ZBTB20: variants seen among roughly 807,000 people sequenced by gnomAD.
The protein encoded by ZBTB20 is zinc finger and BTB domain-containing protein 20.
A neutral mutation model predicts 56.9 loss-of-function variants in ZBTB20; 9 were observed. That is an observed-to-expected ratio of 0.16 (90% CI 0.10 to 0.28). ZBTB20 has a LOEUF of 0.28. Ranked by LOEUF, ZBTB20 falls within the 10% of genes least tolerant of loss-of-function variation. The pLI, the probability that ZBTB20 is intolerant of heterozygous loss-of-function variation, is 1.00. For synonymous variants in ZBTB20, 417 were observed against 420.7 expected, an observed-to-expected ratio of 0.99 and a Z score of 0.11; for missense variants, 655 against 1,003.0, an observed-to-expected ratio of 0.65 and a Z score of 4.69.
chr3:115,140,639 A>G lies in ZBTB20; in HGVS notation c.-703+6580T>C, dbSNP rs556273841. ...TTAATAGTTTCCTTTTGTAATGGTAATCTGTGCTCCAAAATGAGGGCACAC... is the reference window on the plus strand; with the variant it reads ...TTAATAGTTTCCTTTTGTAATGGTAGTCTGTGCTCCAAAATGAGGGCACAC... On this transcript the variant is annotated intron_variant, in intron 1 of 11. Transcript: ENST00000675478. Among the ~76,000 whole-genome samples the G allele has an allele frequency of 2.3e-3, 354 of 152,180 alleles. 2 individuals carry two copies. The highest frequency in any genetic ancestry group is 8.4e-3 in the African/African-American group (348 of 41,536).
intron 1 of ZBTB20, among the ~76,000 whole-genome samples, chr3:115,139,822 C>T (rs1020075598): frequency 7.9e-5 from 12 of 152,012 alleles, no homozygotes; most frequent in African/African-American, 2.9e-4. Context: ...AATACACCTT[C>T]CTGAGTTAAG....
Position 114,923,875 on chromosome 3 carries a change from AT to A in ZBTB20, c.-455-23534del, listed in dbSNP as rs1214648574. On this transcript the variant is annotated intron_variant, in intron 3 of 11. Transcript: ENST00000675478. ...TCACACAACTCAATGGCAAAAAAAA[AT>A]AATAACAATAACTCAATTTAAAAAT... Among the ~76,000 whole-genome samples, 7 of 152,264 alleles carry A rather than the reference AT, an allele frequency of 4.6e-5. No homozygotes were observed. The East Asian group carries it at 1.2e-3, about 25-fold the overall frequency.
chr3:114,949,997 C>A (rs775120279), intron 3 of ZBTB20, among the ~76,000 whole-genome samples: 1 of 152,082 alleles, frequency 6.6e-6, no homozygotes, highest in Non-Finnish European at 1.5e-5. Flanking sequence ...TATGAAAAGA[C>A]GCTTAATTTC....
intron 7 of ZBTB20, among the ~76,000 whole-genome samples, chr3:114,427,277 A>C (rs1450016776): frequency 6.6e-6 from 1 of 152,246 alleles, no homozygotes; most frequent in African/African-American, 2.4e-5. Context: ...TAAAACGTTA[A>C]ATTTACACAC....
At chr3:114,900,406 T>C (rs1308099514) in intron 3 of ZBTB20, 64 bp from the exon 4 acceptor site, 1 of 152,092 alleles carries the variant, frequency 6.6e-6, no homozygotes, top group Admixed American at 6.6e-5. Flanking sequence ...GTATTTATGT[T>C]GCAACAATTC....
At chr3:114,640,779 A>T (rs2059520152) in intron 6 of ZBTB20, among the ~76,000 whole-genome samples, 1 of 152,100 alleles carries the variant, frequency 6.6e-6, no homozygotes, top group Admixed American at 6.6e-5. Context: ...GAGATAAACT[A>T]AAACATTATT....
chr3:114,753,862 A>G (rs1343866921), intron 5 of ZBTB20, among the ~76,000 whole-genome samples: 1 of 152,210 alleles, frequency 6.6e-6, no homozygotes, highest in Admixed American at 6.5e-5. Flanking sequence ...ATGGCATTAC[A>G]TCCTCAATAA....
chr3:114,415,372 A>C (rs2088433360), intron 7 of ZBTB20, among the ~76,000 whole-genome samples: 1 of 152,156 alleles, frequency 6.6e-6, no homozygotes, highest in Non-Finnish European at 1.5e-5. Context: ...ACTGATGACC[A>C]GCAGCTTTGA....
In ZBTB20 at chr3:114,337,408, A is replaced by T. The variant is rs2079497102; in HGVS notation, c.*1597T>A. On this transcript the variant is annotated 3_prime_UTR_variant, in exon 12 of 12. Transcript: ENST00000675478. Reference sequence around the variant, plus strand: ...ACTTCTAGACTATTAGTGTTTCACTAAGAAAAAAAGTAAAGTCAATAGAAA... The same window carrying T: ...ACTTCTAGACTATTAGTGTTTCACTTAGAAAAAAAGTAAAGTCAATAGAAA... 6.6e-6 allele frequency: 1 copy of T among 152,222 alleles called. No individual in the cohort carries two copies. The highest frequency in any genetic ancestry group is 1.5e-5 in the Non-Finnish European group (1 of 68,032). The allele number at this position is 152,222 out of a possible 1,614,324, so 9.4% of individuals were successfully genotyped here.
intron 2 of ZBTB20, among the ~76,000 whole-genome samples, chr3:115,055,352 G>T (rs2081732985): frequency 1.3e-5 from 2 of 152,032 alleles, no homozygotes; most frequent in South Asian, 4.2e-4. Context: ...ATCCATTTTG[G>T]AAACAGATTA....
At chr3:114,344,530 A>G (rs1409117549) in intron 11 of ZBTB20, among the ~76,000 whole-genome samples, 1 of 152,256 alleles carries the variant, frequency 6.6e-6, no homozygotes, top group African/African-American at 2.4e-5. Context: ...TTCATAATTA[A>G]GTGTTTTCAC....
At chr3:114,611,204 A>C (rs548704806) in intron 6 of ZBTB20, among the ~76,000 whole-genome samples, 2 of 152,278 alleles carry the variant, frequency 1.3e-5, no homozygotes, top group African/African-American at 4.8e-5. Flanking sequence ...TGAAGAAGGA[A>C]GGGAGAACAC....
intron 5 of ZBTB20, among the ~76,000 whole-genome samples, chr3:114,760,962 A>C (rs1003357262): frequency 2.0e-5 from 3 of 152,218 alleles, no homozygotes; most frequent in African/African-American, 7.2e-5. Flanking sequence ...TGGGACTAAG[A>C]GTGCAAATGT....
chr3:114,363,922 G>A lies in ZBTB20; in HGVS notation c.200-12044C>T, dbSNP rs535134538. ...TTATACTTATATACATCGCTGATGA[G>A]GTTCTTCCCTTGCAAAAAGAAATTT... is the stretch of plus-strand genomic sequence containing the variant. On this transcript the variant is annotated intron_variant, in intron 10 of 11. Coordinates refer to ENST00000675478, the MANE Select transcript of ZBTB20 (RefSeq NM_001348800.3). Among the ~76,000 whole-genome samples the A allele has an allele frequency of 4.6e-5, 7 of 152,264 alleles. No homozygotes were observed. In the East Asian group the frequency reaches 1.3e-3, roughly 29 times the overall value.
intron 6 of ZBTB20, chr3:114,658,995 A>G (rs550891634): frequency 2.2e-4 from 34 of 152,360 alleles, no homozygotes; most frequent in African/African-American, 8.2e-4. Context: ...TTGGTTGGGG[A>G]GATTTTGACC....
At chr3:114,660,083 T>G (rs1227270705) in intron 6 of ZBTB20, among the ~76,000 whole-genome samples, 4 of 152,094 alleles carry the variant, frequency 2.6e-5, no homozygotes, top group Admixed American at 2.6e-4. Flanking sequence ...AAAAATGTAT[T>G]TTCCATTGAC....
At chr3:114,818,380 G>T (rs1488002120) in intron 4 of ZBTB20, among the ~76,000 whole-genome samples, 1 of 151,972 alleles carries the variant, frequency 6.6e-6, no homozygotes, top group Non-Finnish European at 1.5e-5. Flanking sequence ...ATTTGATAGT[G>T]GAAAATCAAT....
intron 6 of ZBTB20, among the ~76,000 whole-genome samples, chr3:114,594,980 G>T (rs181205986): frequency 1.3e-5 from 2 of 152,278 alleles, no homozygotes; most frequent in South Asian, 4.1e-4. Context: ...TAAATCTCTT[G>T]ATGCAGGCCA....
At chr3:114,680,424 A>G (rs2061900050) in intron 6 of ZBTB20, among the ~76,000 whole-genome samples, 1 of 152,238 alleles carries the variant, frequency 6.6e-6, no homozygotes, top group African/African-American at 2.4e-5. Context: ...TCTAGAATCT[A>G]AACAGTTAAC....
Sources: gnomAD v4.1 joint callset for allele counts (sites outside exome capture counted in the v4.1 genomes callset) on GRCh38, gnomAD v4.1.1 for gene constraint, MANE v1.5 for transcripts, NCBI Gene and HGNC (gene_info 2026-07-23, HGNC 2026-07-21) for gene names.